POLR1B: variants seen among roughly 807,000 people sequenced by gnomAD.
The protein encoded by POLR1B is RNA polymerase I subunit B.
Under a neutral mutation model 105.8 loss-of-function variants are expected in POLR1B, and 30 were observed. The observed-to-expected ratio is 0.28, with a 90% CI of 0.21 to 0.38. The LOEUF (loss-of-function observed/expected upper bound fraction) is 0.38, where lower values mean the gene tolerates loss of function less well. Ranked by LOEUF, POLR1B falls within the 10% of genes least tolerant of loss-of-function variation. POLR1B has a pLI of 1.00. For synonymous variants in POLR1B, 485 were observed against 505.1 expected, an observed-to-expected ratio of 0.96 and a Z score of 0.53; for missense variants, 976 against 1,435.8, an observed-to-expected ratio of 0.68 and a Z score of 5.17.
Position 112,551,895 on chromosome 2 carries a change from T to C in POLR1B, c.883T>C (p.Ser295Pro). 6.2e-7 allele frequency: 1 copy of C among 1,614,120 alleles called. No individual in the cohort carries two copies. The highest frequency in any genetic ancestry group is 1.3e-5 in the African/African-American group (1 of 75,038). Residue 295 changes from serine (S) to proline (P), a missense_variant, in exon 6 of 15, where the codon TCG becomes CCG. This residue lies in a region of POLR1B where 452 missense variants were observed against 616.5 expected (regional missense o/e 0.73). Transcript: ENST00000263331. ...AAGGATTGTAATGGAAGAGGGTTGTTCGACACAAAAACAGGTCCTTAACTA... is the reference window on the plus strand; with the variant it reads ...AAGGATTGTAATGGAAGAGGGTTGTCCGACACAAAAACAGGTCCTTAACTA... ...MLRIVMEEGC[S>P]TQKQVLNYLG...
At chr2:112,565,273 GA>G (rs895455617) in intron 10 of POLR1B, among the ~76,000 whole-genome samples, 1 of 152,074 alleles carries the variant, frequency 6.6e-6, no homozygotes, top group African/African-American at 2.4e-5. Context: ...CAGTACATGG[GA>G]CCCCCCTGTA....
At chr2:112,554,513 C>T (rs1207675414) in intron 7 of POLR1B, 2 of 152,032 alleles carry the variant, frequency 1.3e-5, no homozygotes, top group African/African-American at 4.8e-5. Context: ...TTGCTCTGTC[C>T]ATAAAATTAG....
At chr2:112,555,686 C>T (rs909459328) in intron 7 of POLR1B, among the ~76,000 whole-genome samples, 1 of 152,144 alleles carries the variant, frequency 6.6e-6, no homozygotes, top group South Asian at 2.1e-4. Flanking sequence ...TGTAGCAAGG[C>T]GTTACTAAGG....
rs748261770 is a variant in POLR1B at position 112,558,095 on chromosome 2, G to A, written c.1330+14G>A. Reference sequence around the variant, plus strand: ...GTTCTAAAACAGGTAAAATTAAATCGATCGTTTTAGTTATGTTTTTCAAAT... The same window carrying A: ...GTTCTAAAACAGGTAAAATTAAATCAATCGTTTTAGTTATGTTTTTCAAAT... On this transcript the variant is annotated intron_variant, in intron 8 of 14. Coordinates refer to ENST00000263331, the MANE Select transcript of POLR1B (RefSeq NM_019014.6). The A allele has an allele frequency of 3.3e-5, 43 of 1,317,836 alleles. No homozygotes were observed. Among genetic ancestry groups the A allele is most frequent in the East Asian group, 5.6e-5 (2 of 35,764 alleles). 81.6% of individuals were successfully genotyped at this position (1,317,836 alleles called of 1,614,324 possible).
At position 112,575,200 on chromosome 2, in the gene POLR1B, A is replaced by G; in HGVS notation, c.2879A>G (p.Glu960Gly). ...TTCTCAGAGGAGAACTCGGCCTTAG[A>G]ATACTTTGGTGAGATGTTAAAGGCT... ...FIFSEENSAL[E>G]YFGEMLKAAG... Residue 960 changes from glutamate to glycine, a missense_variant, in exon 15 of 15, where the codon GAA (glutamate) becomes GGA (glycine). Glu to Gly is a moderately conservative substitution (Grantham distance 98). Coordinates refer to ENST00000263331, the MANE Select transcript of POLR1B (RefSeq NM_019014.6). The surrounding 1 kb of genome is among the most constrained non-coding windows in gnomAD (Gnocchi z 5.3). The G allele has an allele frequency of 6.2e-7, 1 of 1,614,090 alleles. No homozygotes were observed. Among genetic ancestry groups the G allele is most frequent in the Non-Finnish European group, 8.5e-7 (1 of 1,180,008 alleles).
Position 112,551,880 on chromosome 2 carries a change from A to G in POLR1B, c.868A>G (p.Met290Val), listed in dbSNP as rs770361048. ...NSVSQMLRIV[M>V]EEGCSTQKQV... ...TGTTTCTCAGATGTTAAGGATTGTA[A>G]TGGAAGAGGGTTGTTCGACACAAAA... The change falls in exon 6 of 15, where the codon ATG (methionine) becomes GTG (valine). Residue 290 changes from methionine to valine, a missense_variant. Physicochemically the swap from Met to Val is conservative, Grantham distance 21. Transcript: ENST00000263331. 6.2e-7 allele frequency: 1 copy of G among 1,613,896 alleles called. No homozygotes were observed. Among genetic ancestry groups the G allele is most frequent in the African/African-American group, 1.3e-5 (1 of 74,912 alleles).
intron 9 of POLR1B, among the ~76,000 whole-genome samples, chr2:112,562,006 A>G (rs1684014336): frequency 6.6e-6 from 1 of 152,118 alleles, no homozygotes; most frequent in African/African-American, 2.4e-5. Flanking sequence ...CCAACAAAAA[A>G]TCACACCAAC....
At chr2:112,542,799 G>A in intron 1 of POLR1B, 128 bp downstream of exon 1, 1 of 1,236,222 alleles carries the variant, frequency 8.1e-7, no homozygotes, top group Non-Finnish European at 1.1e-6. Context: ...GTAAGCGGGA[G>A]AGCACAACAT....
chr2:112,571,691 C>T (rs1411809000), intron 12 of POLR1B, among the ~76,000 whole-genome samples: 2 of 152,172 alleles, frequency 1.3e-5, no homozygotes, highest in African/African-American at 4.8e-5. Context: ...AAATGTTCCC[C>T]CTTCCCAATT....
rs1284743393 is a variant in POLR1B, at chr2:112,568,017, C to T, written c.1797C>T (p.Pro599=). The change falls in exon 11 of 15, where the codon CCC becomes CCT. Residue 599 remains proline, a synonymous_variant. Transcript: ENST00000263331. ...IPPWMEVVLI[P]MTGKPSLYPG... ...CCTGGATGGAAGTGGTCCTTATACC[C>T]ATGACAGGAAAACCAAGTCTGTACC... The T allele has an allele frequency of 2.5e-6, 4 of 1,613,980 alleles. No homozygotes were observed. Among genetic ancestry groups the T allele is most frequent in the Non-Finnish European group, 3.4e-6 (4 of 1,179,958 alleles).
At chr2:112,548,928 A>G (rs976479224) in intron 3 of POLR1B, among the ~76,000 whole-genome samples, 1 of 151,936 alleles carries the variant, frequency 6.6e-6, no homozygotes, top group African/African-American at 2.4e-5. Flanking sequence ...TTATCTTTCA[A>G]CACCTCTTTG....
At position 112,550,936 on chromosome 2, in the gene POLR1B, C is replaced by T. The variant is rs369947929; in HGVS notation, c.696C>T (p.Gly232=). ...TGAACCTCCACTACTTGGAAAATGGCACTGTTATGTTGAACTTTATTTACC... is the reference window on the plus strand; with the variant it reads ...TGAACCTCCACTACTTGGAAAATGGTACTGTTATGTTGAACTTTATTTACC... ...VNMNLHYLEN[G]TVMLNFIYRK... is the part of the protein sequence containing the mutation. The change falls in exon 5 of 15, where the codon GGC becomes GGT. Residue 232 remains glycine (G), a synonymous_variant. Transcript: ENST00000263331. 1.8e-5 allele frequency: 29 copies of T among 1,613,230 alleles called. No individual in the cohort carries two copies. The African/African-American group carries it at 3.6e-4, about 20-fold the overall frequency.
At chr2:112,568,725 C>T (rs749104444) in intron 11 of POLR1B, 21 bp from the exon 12 acceptor site, 5 of 1,612,106 alleles carry the variant, frequency 3.1e-6, no homozygotes, top group South Asian at 2.2e-5. Context: ...TATTTTGTGC[C>T]TTGGACATCT....
Position 112,575,126 on chromosome 2 carries a change from G to C in POLR1B, c.2805G>C (p.Gly935=). Reference sequence around the variant, plus strand: ...GGATGTTAATTGAGAGTATGGCCGGGAAGTCTGCAGCTTTGCATGGTCTCT... The same window carrying C: ...GGATGTTAATTGAGAGTATGGCCGGCAAGTCTGCAGCTTTGCATGGTCTCT... ...TIGMLIESMA[G]KSAALHGLCH... is the part of the protein sequence containing the mutation. Residue 935 remains glycine (G), a synonymous_variant, in exon 15 of 15, where the codon GGG becomes GGC. Coordinates refer to ENST00000263331, the MANE Select transcript of POLR1B (RefSeq NM_019014.6). This position sits in a 1 kb window ranked among gnomAD's most constrained non-coding sequence, Gnocchi z 5.3. 6.2e-7 allele frequency: 1 copy of C among 1,614,170 alleles called. No homozygotes were observed. Among genetic ancestry groups the C allele is most frequent in the Non-Finnish European group, 8.5e-7 (1 of 1,180,042 alleles).
At position 112,568,683 on chromosome 2, in the gene POLR1B, A is replaced by G. The variant is rs535523036; in HGVS notation, c.1918-63A>G. The stretch of plus-strand genomic sequence containing the variant: ...GTCTTTGAGTACTGAACTCTGAGAA[A>G]TGGTAAGAGTAAATGTGTAACCAGT... On this transcript the variant is annotated intron_variant, in intron 11 of 14. Coordinates refer to ENST00000263331, the MANE Select transcript of POLR1B (RefSeq NM_019014.6). The G allele has an allele frequency of 3.6e-5, 56 of 1,550,040 alleles. 1 individual carries two copies. The South Asian group carries it at 6.7e-4, about 18-fold the overall frequency.
At chr2:112,548,044 C>G (rs1374116023) in intron 3 of POLR1B, 1 of 152,688 alleles carries the variant, frequency 6.5e-6, no homozygotes, top group Non-Finnish European at 1.5e-5. Context: ...GAGTGAGACC[C>G]CGTCACTAAA....
Position 112,552,833 on chromosome 2 carries a change from TC to T in POLR1B, c.1158+19del. The T allele has an allele frequency of 6.5e-7, 1 of 1,549,806 alleles. No homozygotes were observed. The highest frequency in any genetic ancestry group is 8.7e-7 in the Non-Finnish European group (1 of 1,146,850). On this transcript the variant is annotated intron_variant, in intron 7 of 14. Coordinates refer to ENST00000263331, the MANE Select transcript of POLR1B (RefSeq NM_019014.6). The stretch of plus-strand genomic sequence containing the variant: ...TTCCTGAAGGTAAATGCATGCTATG[TC>T]CACCCTTGGCCAGTGGTACCACTTG...
In POLR1B at chr2:112,564,437, A is replaced by G. The variant is rs114717734; in HGVS notation, c.1684A>G (p.Met562Val). Reference sequence around the variant, plus strand: ...CTACCCTGTCCTGCTGGACGGTGTCATGGTTGGCTGGGTGGATAAGGATCT... The same window carrying G: ...CTACCCTGTCCTGCTGGACGGTGTCGTGGTTGGCTGGGTGGATAAGGATCT... ...ECYPVLLDGVMVGWVDKDLAP... is the reference protein window; with the variant it reads ...ECYPVLLDGVVVGWVDKDLAP... Residue 562 changes from methionine (M) to valine (V), a missense_variant, in exon 10 of 15, where the codon ATG (methionine) becomes GTG (valine). Transcript: ENST00000263331. 1.6e-3 allele frequency: 2,574 copies of G among 1,614,228 alleles called. 34 individuals are homozygous for G. The African/African-American group carries it at 0.031, about 19-fold the overall frequency.
At chr2:112,566,343 T>G (rs141553650) in intron 10 of POLR1B, among the ~76,000 whole-genome samples, 10 of 152,332 alleles carry the variant, frequency 6.6e-5, no homozygotes, top group African/African-American at 2.2e-4. Flanking sequence ...GGAGCCCTCT[T>G]TCTTCATATT....
Sources: gnomAD v4.1 joint callset for allele counts (sites outside exome capture counted in the v4.1 genomes callset) on GRCh38, gnomAD v4.1.1 for gene constraint, gnomAD v4.1.1 regional missense constraint, Gnocchi (gnomAD v3.1) non-coding constraint, MANE v1.5 for transcripts, NCBI Gene and HGNC (gene_info 2026-07-23, HGNC 2026-07-21) for gene names.